The following PBX4 variants were observed in gnomAD, a reference collection of about 807,000 sequenced individuals.
PBX4 encodes the protein pre-B-cell leukemia transcription factor 4.
A neutral mutation model predicts 35.1 loss-of-function variants in PBX4; 26 were observed. The observed-to-expected ratio is 0.74, with a 90% CI of 0.54 to 1.03. The LOEUF is 1.03. Ranked by LOEUF, PBX4 falls within the 50% of genes least tolerant of loss-of-function variation. PBX4 has a pLI of 0.00. For synonymous variants in PBX4, 199 were observed against 204.2 expected, an observed-to-expected ratio of 0.97 and a Z score of 0.22; for missense variants, 448 against 504.3, an observed-to-expected ratio of 0.89 and a Z score of 1.07.
At chr19:19,565,552 T>C (rs748457202) in intron 5 of PBX4, among the ~76,000 whole-genome samples, 7 of 152,016 alleles carry the variant, frequency 4.6e-5, no homozygotes, top group Non-Finnish European at 1.5e-5. Context: ...TCTGAAGGGG[T>C]AGTTGGAATG....
chr19:19,570,224 C>T lies in PBX4; in HGVS notation c.517G>A (p.Glu173Lys). 6.2e-7 allele frequency: 1 copy of T among 1,614,148 alleles called. No individual in the cohort carries two copies. Among genetic ancestry groups the T allele is most frequent in the East Asian group, 2.2e-5 (1 of 44,882 alleles). The change falls in exon 4 of 8, where the codon GAG (glutamate) becomes AAG (lysine). Residue 173 changes from glutamate (E) to lysine (K), a missense_variant. Glu to Lys is a moderately conservative substitution (Grantham distance 56). Transcript: ENST00000251203. ...ATGGCGCCGACCATGCGCTCAATCT[C>T]CTTAGGGGAGACAGGCCTCATCCTG... The part of the protein sequence containing the change: ...QSRMRPVSPK[E>K]IERMVGAIHG...
intron 2 of PBX4, among the ~76,000 whole-genome samples, chr19:19,572,542 C>T (rs2061390523): frequency 1.3e-5 from 2 of 152,124 alleles, no homozygotes; most frequent in African/African-American, 2.4e-5. Flanking sequence ...GGAACTCAAG[C>T]GATATCCTTG....
At position 19,588,350 on chromosome 19, in the gene PBX4, A is replaced by G. The variant is rs775875711; in HGVS notation, c.193+10942T>C. 1.3e-4 allele frequency: 164 copies of G among 1,243,928 alleles called. 1 individual carries two copies. The highest frequency in any genetic ancestry group is 4.9e-5 in the Non-Finnish European group (42 of 848,834). 77.1% of individuals were successfully genotyped at this position (1,243,928 alleles called of 1,614,324 possible). ...ACACATTTGCCATCACATTTTTCACACAGTCATCTGATGGCAACACCAGCC... is the reference window on the plus strand; with the variant it reads ...ACACATTTGCCATCACATTTTTCACGCAGTCATCTGATGGCAACACCAGCC... On this transcript the variant is annotated intron_variant, in intron 2 of 7. Coordinates refer to ENST00000251203, the MANE Select transcript of PBX4 (RefSeq NM_025245.3).
At chr19:19,572,132 T>C (rs1327969509) in intron 2 of PBX4, among the ~76,000 whole-genome samples, 1 of 118,754 alleles carries the variant, frequency 8.4e-6, no homozygotes, top group East Asian at 3.0e-4. Context: ...TGGGGTGCAA[T>C]GGCATGGTCT....
chr19:19,585,674 T>A (rs920788448), intron 2 of PBX4, among the ~76,000 whole-genome samples: 1 of 152,330 alleles, frequency 6.6e-6, no homozygotes, highest in South Asian at 2.1e-4. Flanking sequence ...CATTCCACCA[T>A]TGTAATTTGT....
chr19:19,562,146 T>A lies in PBX4; in HGVS notation c.1033-29A>T. On this transcript the variant is annotated intron_variant, in intron 7 of 7. Coordinates refer to ENST00000251203, the MANE Select transcript of PBX4 (RefSeq NM_025245.3). The surrounding 1 kb of genome is among the most constrained non-coding windows in gnomAD (Gnocchi z 4.8). Reference sequence around the variant, plus strand: ...AAACGACAGAGACTGAGCATCAGAGTGGGTGGCCGTGAGACTGGTGACTAC... The same window carrying A: ...AAACGACAGAGACTGAGCATCAGAGAGGGTGGCCGTGAGACTGGTGACTAC... 6.4e-7 allele frequency: 1 copy of A among 1,563,038 alleles called. No homozygotes were observed. The highest frequency in any genetic ancestry group is 8.7e-7 in the Non-Finnish European group (1 of 1,145,688).
In PBX4 at chr19:19,581,493, C is replaced by T. The variant is rs546179279; in HGVS notation, c.194-10660G>A. On this transcript the variant is annotated intron_variant, in intron 2 of 7. Transcript: ENST00000251203. ...CTGTAGGATGCCTGCTTCCCCTCTG[C>T]GTCATTACTGTCTTGCGGGTGGCGG... 1.4e-4 allele frequency among the ~76,000 whole-genome samples: 21 copies of T among 152,318 alleles called. No homozygotes were observed. The South Asian group carries it at 3.9e-3, about 29-fold the overall frequency.
At position 19,563,933 on chromosome 19, in the gene PBX4, A is replaced by C; in HGVS notation, c.926-318T>G. 4.7e-6 allele frequency: 1 copy of C among 213,556 alleles called. No individual in the cohort carries two copies. The highest frequency in any genetic ancestry group is 9.6e-6 in the Non-Finnish European group (1 of 104,116). 13.2% of individuals were successfully genotyped at this position (213,556 alleles called of 1,614,324 possible). A position where few individuals can be genotyped will look rare whatever the true frequency, so the allele number is the denominator to read the frequency against. Reference sequence around the variant, plus strand: ...CACCATTCTCCTGCCTCAGCCTCCCAAGTAGCTGGGACTACAGGCGCCCAC... The same window carrying C: ...CACCATTCTCCTGCCTCAGCCTCCCCAGTAGCTGGGACTACAGGCGCCCAC... On this transcript the variant is annotated intron_variant, in intron 6 of 7. Coordinates refer to ENST00000251203, the MANE Select transcript of PBX4 (RefSeq NM_025245.3). This position sits in a 1 kb window ranked among gnomAD's most constrained non-coding sequence, Gnocchi z 5.1.
At position 19,570,205 on chromosome 19, in the gene PBX4, C is replaced by T. The variant is rs1355471395; in HGVS notation, c.536G>A (p.Gly179Asp). The T allele has an allele frequency of 1.2e-6, 2 of 1,614,140 alleles. No homozygotes were observed. The highest frequency in any genetic ancestry group is 1.7e-5 in the Admixed American group (1 of 60,026). ...VSPKEIERMV[G>D]AIHGKFSAIQ... ...GGCGCTGAACTTGCCGTGAATGGCGCCGACCATGCGCTCAATCTCCTTAGG... is the reference window on the plus strand; with the variant it reads ...GGCGCTGAACTTGCCGTGAATGGCGTCGACCATGCGCTCAATCTCCTTAGG... Residue 179 changes from glycine to aspartate, a missense_variant, in exon 4 of 8, where the codon GGC (glycine) becomes GAC (aspartate). Transcript: ENST00000251203.
intron 3 of PBX4, 93 bp from the exon 4 acceptor site, chr19:19,570,392 C>T (rs558634265): frequency 2.7e-6 from 4 of 1,467,306 alleles, no homozygotes; most frequent in Admixed American, 4.2e-5. Context: ...CCTGCCACCC[C>T]CTGTAGTTCA....
intron 1 of PBX4, among the ~76,000 whole-genome samples, chr19:19,615,556 T>C (rs1340783246): frequency 6.6e-6 from 1 of 152,050 alleles, no homozygotes; most frequent in African/African-American, 2.4e-5. Context: ...TACCCAGATA[T>C]TGTAAAGGTC....
At chr19:19,606,461 G>C (rs1423173666) in intron 1 of PBX4, 1 of 152,254 alleles carries the variant, frequency 6.6e-6, no homozygotes, top group Non-Finnish European at 1.5e-5. Context: ...CCAACACCTT[G>C]ACTGCAGCCC....
chr19:19,615,886 TCA>T (rs377323785), intron 1 of PBX4, among the ~76,000 whole-genome samples: 1 of 150,206 alleles, frequency 6.7e-6, no homozygotes, highest in Non-Finnish European at 1.5e-5. Flanking sequence ...TGAGAGTCCG[TCA>T]CACACACACA....
intron 2 of PBX4, among the ~76,000 whole-genome samples, chr19:19,590,057 C>T (rs1239798674): frequency 6.6e-6 from 1 of 152,162 alleles, no homozygotes; most frequent in Non-Finnish European, 1.5e-5. Flanking sequence ...ACCCTCAATC[C>T]TTGAGGTAAG....
intron 2 of PBX4, among the ~76,000 whole-genome samples, chr19:19,573,332 C>A (rs6511045): frequency 5.4e-4 from 19 of 35,298 alleles, no homozygotes; most frequent in African/African-American, 2.3e-3. Flanking sequence ...AAAAAATATA[C>A]ACACACACAC....
At chr19:19,605,766 G>A (rs1302811599) in intron 1 of PBX4, among the ~76,000 whole-genome samples, 2 of 151,632 alleles carry the variant, frequency 1.3e-5, no homozygotes, top group African/African-American at 2.4e-5. Flanking sequence ...CTTGTTTCTG[G>A]CCTGGAAACT....
rs139871885 is a variant in PBX4, at chr19:19,609,960, T to C, written c.119+8551A>G. 7.0e-3 allele frequency among the ~76,000 whole-genome samples: 1,062 copies of C among 152,376 alleles called. 9 individuals are homozygous for C. Among genetic ancestry groups the C allele is most frequent in the Non-Finnish European group, 0.012 (801 of 68,034 alleles). On this transcript the variant is annotated intron_variant, in intron 1 of 7. Coordinates refer to ENST00000251203, the MANE Select transcript of PBX4 (RefSeq NM_025245.3). ...CCTTATTGTCATCATCATCAACCAC[T>C]GTGTTCTGATAGAGGCACTCGGTAG...
chr19:19,615,805 G>A (rs1267562435), intron 1 of PBX4, among the ~76,000 whole-genome samples: 1 of 152,114 alleles, frequency 6.6e-6, no homozygotes, highest in Admixed American at 6.6e-5. Context: ...CAGGAGAATC[G>A]CTTGAACCCG....
At chr19:19,617,466 T>C (rs904376883) in intron 1 of PBX4, among the ~76,000 whole-genome samples, 3 of 152,094 alleles carry the variant, frequency 2.0e-5, no homozygotes, top group Admixed American at 6.6e-5. Flanking sequence ...TTATTTTTAG[T>C]AGAGACGAGG....
Sources: gnomAD v4.1 joint callset for allele counts (sites outside exome capture counted in the v4.1 genomes callset) on GRCh38, gnomAD v4.1.1 for gene constraint, Gnocchi (gnomAD v3.1) non-coding constraint, MANE v1.5 for transcripts, NCBI Gene and HGNC (gene_info 2026-07-23, HGNC 2026-07-21) for gene names.